The following PLCE1 variants were observed in gnomAD, a reference collection of about 807,000 sequenced individuals.
PLCE1 encodes the protein phospholipase C epsilon 1, also known as 1-phosphatidylinositol 4,5-bisphosphate phosphodiesterase epsilon-1.
In PLCE1, 119 loss-of-function variants were observed where a neutral mutation model predicts 242.8. That is an observed-to-expected ratio of 0.49 (90% confidence interval 0.42 to 0.57). PLCE1 has a LOEUF of 0.57. Among genes scored for constraint, PLCE1 ranks in the 20% least tolerant of loss-of-function variants. The probability of loss-of-function intolerance (pLI) is 0.00; values close to 1 mark genes in which losing one functional copy is unlikely to be tolerated. For missense variants in PLCE1, 2,441 were observed against 2,788.8 expected (o/e 0.88, Z 2.81); for synonymous variants, 945 against 1,017.4 (o/e 0.93, Z 1.35).
At chr10:94,289,491 A>T (rs2052573249) in intron 22 of PLCE1, among the ~76,000 whole-genome samples, 1 of 152,228 alleles carries the variant, frequency 6.6e-6, no homozygotes, top group South Asian at 2.1e-4. Flanking sequence ...TGTGTGAAAC[A>T]TCATAGAGTG....
chr10:94,284,498 C>T (rs1030675145), intron 21 of PLCE1, among the ~76,000 whole-genome samples: 6 of 152,140 alleles, frequency 3.9e-5, no homozygotes, highest in Admixed American at 1.3e-4. Flanking sequence ...AATCTTTAGA[C>T]GCAGTTGCAG....
intron 3 of PLCE1, among the ~76,000 whole-genome samples, chr10:94,162,898 T>C (rs1290465604): frequency 6.6e-6 from 1 of 152,244 alleles, no homozygotes; most frequent in Non-Finnish European, 1.5e-5. Flanking sequence ...TATTTCTGCC[T>C]TCATTTCATT....
At chr10:94,276,767 T>C (rs1045876663) in intron 19 of PLCE1, among the ~76,000 whole-genome samples, 4 of 152,202 alleles carry the variant, frequency 2.6e-5, no homozygotes, top group African/African-American at 9.7e-5. Context: ...CATCATGAAA[T>C]TTTGTCAGCT....
At chr10:94,228,125 A>G (rs994531514) in intron 5 of PLCE1, among the ~76,000 whole-genome samples, 5 of 152,228 alleles carry the variant, frequency 3.3e-5, no homozygotes, top group Non-Finnish European at 7.3e-5. Context: ...CTTGACCACT[A>G]TGATATCCTG....
At chr10:94,154,012 T>A (rs549607572) in intron 3 of PLCE1, among the ~76,000 whole-genome samples, 2 of 152,254 alleles carry the variant, frequency 1.3e-5, no homozygotes, top group Admixed American at 1.3e-4. Flanking sequence ...TTTGCAGAAA[T>A]GAATAGGGAA....
intron 11 of PLCE1, among the ~76,000 whole-genome samples, chr10:94,255,937 CTCTCTCTCTCTCTCTCT>C (rs2051070584): frequency 6.7e-6 from 1 of 150,324 alleles, no homozygotes; most frequent in African/African-American, 2.4e-5. Flanking sequence ...CTCTCTCTCT[CTCTCTCTCTCTCTCTCT>C]CTCCCCACCC....
intron 29 of PLCE1, 45 bp from the exon 30 acceptor site, chr10:94,321,856 T>C: frequency 6.8e-7 from 1 of 1,460,126 alleles, no homozygotes; most frequent in Non-Finnish European, 9.6e-7. Context: ...TTCTTTATTC[T>C]GCATAAACCT....
intron 4 of PLCE1, among the ~76,000 whole-genome samples, chr10:94,190,674 G>T (rs1452380795): frequency 6.6e-6 from 1 of 152,222 alleles, no homozygotes; most frequent in Non-Finnish European, 1.5e-5. Flanking sequence ...CATAGTAGGT[G>T]TTCAACAAGT....
intron 1 of PLCE1, among the ~76,000 whole-genome samples, chr10:93,999,290 G>A (rs1467103368): frequency 6.6e-6 from 1 of 152,176 alleles, no homozygotes; most frequent in African/African-American, 2.4e-5. Context: ...ACTTTCTGAG[G>A]TAGGTACTTT....
chr10:94,072,276 T>C (rs114544613), intron 2 of PLCE1, among the ~76,000 whole-genome samples: 2,212 of 151,914 alleles, frequency 0.015, 54 homozygotes, highest in African/African-American at 0.04. Context: ...TTCTTTCTTT[T>C]TTGTTTTTTT....
At chr10:94,221,839 G>T (rs973374151) in intron 4 of PLCE1, among the ~76,000 whole-genome samples, 11 of 152,232 alleles carry the variant, frequency 7.2e-5, no homozygotes, top group Admixed American at 1.3e-4. Flanking sequence ...CAGTTAGAAT[G>T]ACCAGATACC....
intron 5 of PLCE1, among the ~76,000 whole-genome samples, 192 bp downstream of exon 5, chr10:94,227,643 T>C: frequency 6.6e-6 from 1 of 152,236 alleles, no homozygotes; most frequent in South Asian, 2.1e-4. Context: ...TCAGCCCCTG[T>C]GGGCCAGTCA....
At chr10:94,049,515 T>G (rs2043703379) in intron 2 of PLCE1, among the ~76,000 whole-genome samples, 1 of 152,210 alleles carries the variant, frequency 6.6e-6, no homozygotes, top group African/African-American at 2.4e-5. Context: ...GCCAGTAACA[T>G]TAGGAAGTCC....
At chr10:94,158,814 T>C (rs1030181700) in intron 3 of PLCE1, among the ~76,000 whole-genome samples, 5 of 151,394 alleles carry the variant, frequency 3.3e-5, no homozygotes, top group Non-Finnish European at 7.4e-5. Flanking sequence ...AGATTACCTC[T>C]GGGTATGAGA....
At chr10:94,134,154 G>A (rs1590094414) in intron 3 of PLCE1, among the ~76,000 whole-genome samples, 2 of 150,976 alleles carry the variant, frequency 1.3e-5, no homozygotes, top group East Asian at 1.9e-4. Flanking sequence ...AGGCCGGAGT[G>A]CAGTGGCATG....
chr10:94,107,014 A>C (rs2045773592), intron 2 of PLCE1: 3 of 130,626 alleles, frequency 2.3e-5, no homozygotes, highest in African/African-American at 8.7e-5. Context: ...GTTATATAAA[A>C]CCATAGTAGT....
chr10:94,290,123 C>G (rs2052594274), intron 22 of PLCE1, among the ~76,000 whole-genome samples: 1 of 151,912 alleles, frequency 6.6e-6, no homozygotes, highest in Non-Finnish European at 1.5e-5. Flanking sequence ...AACTCCCAGG[C>G]TCAAGTGATC....
At chr10:94,270,084 T>C (rs2051672418) in intron 17 of PLCE1, among the ~76,000 whole-genome samples, 1 of 152,240 alleles carries the variant, frequency 6.6e-6, no homozygotes, top group Non-Finnish European at 1.5e-5. Flanking sequence ...TACACATAAA[T>C]ATATGTGACA....
intron 2 of PLCE1, among the ~76,000 whole-genome samples, chr10:94,087,145 C>G (rs1325004522): frequency 6.6e-6 from 1 of 151,884 alleles, no homozygotes; most frequent in Admixed American, 6.6e-5. Context: ...CCCAGGAGTT[C>G]GAGACCAGCC....
Sources: allele counts gnomAD v4.1 joint callset (sites outside exome capture counted in the v4.1 genomes callset), GRCh38; gene constraint gnomAD v4.1.1; transcripts MANE v1.5; gene names NCBI Gene and HGNC (gene_info 2026-07-23, HGNC 2026-07-21).